The following KCNT2 variants were observed in gnomAD, a reference collection of about 807,000 sequenced individuals.
The protein encoded by KCNT2 is potassium channel subfamily T member 2.
In KCNT2, 67 loss-of-function variants were observed where a neutral mutation model predicts 153.8. The ratio of observed to expected loss-of-function variants is 0.44; its 90% CI spans 0.36 to 0.53. The LOEUF is 0.53. Among genes scored for constraint, KCNT2 ranks in the 20% least tolerant of loss-of-function variants. KCNT2 has a pLI of 0.00. For synonymous variants in KCNT2, 500 were observed against 458.8 expected, an observed-to-expected ratio of 1.09 and a Z score of -1.15; for missense variants, 975 against 1,354.8, an observed-to-expected ratio of 0.72 and a Z score of 4.40.
intron 13 of KCNT2, among the ~76,000 whole-genome samples, chr1:196,393,525 A>G (rs753389897): frequency 2.4e-4 from 36 of 151,560 alleles, no homozygotes; most frequent in Non-Finnish European, 3.8e-4. Context: ...AAGTTCATTC[A>G]AGGTTTTTCA....
chr1:196,536,338 G>A (rs573824467), intron 1 of KCNT2, among the ~76,000 whole-genome samples: 8 of 152,320 alleles, frequency 5.3e-5, no homozygotes, highest in Non-Finnish European at 7.4e-5. Context: ...GTTAAGCCTC[G>A]ATAAACTGCC....
At chr1:196,556,897 A>G (rs188442657) in intron 1 of KCNT2, among the ~76,000 whole-genome samples, 2 of 151,540 alleles carry the variant, frequency 1.3e-5, no homozygotes, top group Non-Finnish European at 3.0e-5. Context: ...CAAACATTGC[A>G]TGCTCTTATT....
chr1:196,482,936 GATGATAAAA>G (rs1461120687), intron 3 of KCNT2, among the ~76,000 whole-genome samples: 1 of 151,990 alleles, frequency 6.6e-6, no homozygotes, highest in Non-Finnish European at 1.5e-5. Context: ...TATATTTTCT[GATGATAAAA>G]AGGCTTATGC....
chr1:196,533,623 AG>A (rs1655205268), intron 1 of KCNT2, among the ~76,000 whole-genome samples: 1 of 152,104 alleles, frequency 6.6e-6, no homozygotes, highest in Non-Finnish European at 1.5e-5. Context: ...TTAGAAATCG[AG>A]GGATTCTTTA....
chr1:196,477,234 C>G (rs1678617421), intron 5 of KCNT2, among the ~76,000 whole-genome samples: 1 of 151,928 alleles, frequency 6.6e-6, no homozygotes, highest in Non-Finnish European at 1.5e-5. Context: ...ACTTCTTGCT[C>G]TAAATTTAGA....
At chr1:196,238,954 T>C (rs1325328359) in intron 26 of KCNT2, among the ~76,000 whole-genome samples, 9 of 152,004 alleles carry the variant, frequency 5.9e-5, no homozygotes, top group African/African-American at 1.7e-4. Context: ...CCATCAGTCA[T>C]TCTCTATGGT....
At chr1:196,540,983 G>A (rs895991963) in intron 1 of KCNT2, among the ~76,000 whole-genome samples, 1 of 151,896 alleles carries the variant, frequency 6.6e-6, no homozygotes, top group East Asian at 1.9e-4. Flanking sequence ...GGAGAATGGA[G>A]TGAACCCGGG....
intron 4 of KCNT2, among the ~76,000 whole-genome samples, 191 bp from the exon 5 acceptor site, chr1:196,479,429 G>A (rs1678814311): frequency 6.6e-6 from 1 of 152,130 alleles, no homozygotes; most frequent in Non-Finnish European, 1.5e-5. Flanking sequence ...GCTGTCTCCT[G>A]TACTACATCT....
chr1:196,544,985 T>C (rs964393575), intron 1 of KCNT2, among the ~76,000 whole-genome samples: 6 of 152,126 alleles, frequency 3.9e-5, no homozygotes, highest in African/African-American at 1.4e-4. Flanking sequence ...ATGAAATGTT[T>C]TTCTGGACAG....
intron 22 of KCNT2, 59 bp from the exon 23 acceptor site, chr1:196,285,817 C>T: frequency 2.1e-6 from 2 of 957,852 alleles, no homozygotes; most frequent in Non-Finnish European, 3.4e-6. Flanking sequence ...TGCATTTCTG[C>T]CTCAGTAAAT....
intron 8 of KCNT2, among the ~76,000 whole-genome samples, chr1:196,446,936 T>C (rs919675802): frequency 6.6e-5 from 10 of 151,582 alleles, no homozygotes; most frequent in African/African-American, 2.4e-4. Flanking sequence ...ATTAGAAATG[T>C]AGATCTATAA....
intron 13 of KCNT2, among the ~76,000 whole-genome samples, chr1:196,396,440 C>T (rs980895456): frequency 6.6e-6 from 1 of 151,546 alleles, no homozygotes; most frequent in East Asian, 1.9e-4. Context: ...TTCTTGAGGG[C>T]CATTATTTAA....
At chr1:196,250,589 A>G (rs1655874449) in intron 26 of KCNT2, among the ~76,000 whole-genome samples, 1 of 152,166 alleles carries the variant, frequency 6.6e-6, no homozygotes, top group African/African-American at 2.4e-5. Flanking sequence ...AATACCCCAG[A>G]AGCACAGACA....
intron 1 of KCNT2, among the ~76,000 whole-genome samples, chr1:196,583,737 C>A (rs1199852258): frequency 6.6e-6 from 1 of 151,792 alleles, no homozygotes; most frequent in Non-Finnish European, 1.5e-5. Flanking sequence ...TTCATTGGAC[C>A]TGGCATGAAA....
At chr1:196,601,502 C>T (rs559542027) in intron 1 of KCNT2, among the ~76,000 whole-genome samples, 123 of 152,200 alleles carry the variant, frequency 8.1e-4, no homozygotes, top group East Asian at 5.0e-3. Flanking sequence ...TGTGAAAGAA[C>T]GATGTCAATG....
At position 196,571,170 on chromosome 1, in the gene KCNT2, G is replaced by T. The variant is rs1660735855; in HGVS notation, c.95+37045C>A. ...TTTGTTGAAATAATAGATGTTTTAA[G>T]AATAGATATTTTTGCAAAGATATGG... is the stretch of plus-strand genomic sequence containing the variant. On this transcript the variant is annotated intron_variant, in intron 1 of 27. Coordinates refer to ENST00000294725, the MANE Select transcript of KCNT2 (RefSeq NM_198503.5). 2.0e-5 allele frequency among the ~76,000 whole-genome samples: 3 copies of T among 152,058 alleles called. No homozygotes were observed. In the South Asian group the frequency reaches 6.2e-4, roughly 31 times the overall value.
chr1:196,513,833 C>T (rs1681836357), intron 1 of KCNT2, among the ~76,000 whole-genome samples: 1 of 152,124 alleles, frequency 6.6e-6, no homozygotes, highest in African/African-American at 2.4e-5. Context: ...ACATAGAACA[C>T]AGAGGTATGA....
chr1:196,565,777 C>G (rs191814022), intron 1 of KCNT2, among the ~76,000 whole-genome samples: 1 of 151,536 alleles, frequency 6.6e-6, no homozygotes, highest in African/African-American at 2.4e-5. Context: ...AAGTTAAACC[C>G]ATGGAAGTAG....
intron 13 of KCNT2, among the ~76,000 whole-genome samples, chr1:196,385,772 A>AT (rs1553308935): frequency 0.01 from 1,557 of 148,522 alleles, 25 homozygotes; most frequent in African/African-American, 0.033. Context: ...GCATTAAAAA[A>AT]ATATATATAT....
Sources: allele counts gnomAD v4.1 joint callset (sites outside exome capture counted in the v4.1 genomes callset), GRCh38; gene constraint gnomAD v4.1.1; transcripts MANE v1.5; gene names NCBI Gene and HGNC (gene_info 2026-07-23, HGNC 2026-07-21).